The following MAPKAP1 variants were observed in gnomAD, a reference collection of about 807,000 sequenced individuals.
MAPKAP1 encodes MAPK associated protein 1, also known as target of rapamycin complex 2 subunit MAPKAP1.
MAPKAP1 carries 20 observed loss-of-function variants against 65.7 expected under a neutral mutation model. That is an observed-to-expected ratio of 0.30 (90% CI 0.21 to 0.44). The LOEUF (loss-of-function observed/expected upper bound fraction) is 0.44. Ranked by LOEUF, MAPKAP1 falls within the 20% of genes least tolerant of loss-of-function variation. MAPKAP1 has a pLI of 1.00. For missense variants in MAPKAP1, 423 were observed against 648.0 expected, an observed-to-expected ratio of 0.65 and a Z score of 3.77; for synonymous variants, 222 against 244.3, an observed-to-expected ratio of 0.91 and a Z score of 0.85.
chr9:125,521,149 G>A (rs1003682638), intron 7 of MAPKAP1, among the ~76,000 whole-genome samples: 4 of 152,176 alleles, frequency 2.6e-5, no homozygotes, highest in African/African-American at 7.2e-5. Flanking sequence ...TCATATATGC[G>A]GTTGTAGGCA....
chr9:125,693,796 CACAT>C (rs1050718867), intron 1 of MAPKAP1, among the ~76,000 whole-genome samples: 2 of 144,228 alleles, frequency 1.4e-5, no homozygotes, highest in Admixed American at 7.0e-5. Context: ...TATATATACA[CACAT>C]ATATATACAC....
intron 7 of MAPKAP1, among the ~76,000 whole-genome samples, chr9:125,542,576 TTGTC>T (rs1564549468): frequency 6.6e-6 from 1 of 152,190 alleles, no homozygotes; most frequent in Non-Finnish European, 1.5e-5. Flanking sequence ...ATCAAGTGAT[TTGTC>T]TTTTTATTCG....
rs376993327 is a variant in MAPKAP1 at position 125,657,739 on chromosome 9, C to G, written c.410G>C (p.Gly137Ala). 45 of 1,613,790 alleles carry G rather than the reference C, an allele frequency of 2.8e-5. No homozygotes were observed. Among genetic ancestry groups the G allele is most frequent in the Non-Finnish European group, 3.6e-5 (42 of 1,179,882 alleles). ...GCGTACAGATAATATCGACTGCTTC[C>G]CAGAAATTGGAGGCTTCTCTTTGAG... Reference protein sequence around the residue: ...KSLKEKPPISGKQSILSVRLE... With the variant: ...KSLKEKPPISAKQSILSVRLE... Residue 137 changes from glycine to alanine, a missense_variant, in exon 4 of 12, where the codon GGG becomes GCG. Transcript: ENST00000265960.
intron 1 of MAPKAP1, among the ~76,000 whole-genome samples, chr9:125,680,705 A>G (rs1398772869): frequency 6.6e-6 from 1 of 152,246 alleles, no homozygotes; most frequent in African/African-American, 2.4e-5. Context: ...AAATCATCTC[A>G]GCACTAAATG....
intron 4 of MAPKAP1, among the ~76,000 whole-genome samples, chr9:125,603,352 G>A (rs1464507628): frequency 1.3e-5 from 2 of 152,078 alleles, no homozygotes; most frequent in Non-Finnish European, 1.5e-5. Flanking sequence ...GTACCCAATT[G>A]TGCTCTAATA....
chr9:125,691,303 G>A (rs372060502), intron 1 of MAPKAP1, among the ~76,000 whole-genome samples: 1 of 152,040 alleles, frequency 6.6e-6, no homozygotes, highest in African/African-American at 2.4e-5. Context: ...GGTAGAACTC[G>A]GTGACTGAGT....
intron 11 of MAPKAP1, among the ~76,000 whole-genome samples, chr9:125,443,725 C>T (rs1180876830): frequency 6.7e-6 from 1 of 149,968 alleles, no homozygotes; most frequent in Non-Finnish European, 1.5e-5. Context: ...CCCCCCATCC[C>T]CCTGTGCCTG....
At chr9:125,662,452 G>C (rs913146582) in intron 3 of MAPKAP1, among the ~76,000 whole-genome samples, 4 of 152,204 alleles carry the variant, frequency 2.6e-5, no homozygotes, top group African/African-American at 9.7e-5. Flanking sequence ...GGGAGGCCGA[G>C]GTGGGTGGAT....
intron 7 of MAPKAP1, chr9:125,521,410 G>T: frequency 1.0e-6 from 1 of 999,194 alleles, no homozygotes; most frequent in Non-Finnish European, 1.2e-6. Flanking sequence ...TTGAGTCACT[G>T]TGACAATACC....
intron 4 of MAPKAP1, among the ~76,000 whole-genome samples, chr9:125,638,793 G>C (rs1259817252): frequency 1.3e-5 from 2 of 152,148 alleles, no homozygotes; most frequent in African/African-American, 4.8e-5. Context: ...CTCTCAAATG[G>C]CTACAGCTGC....
chr9:125,663,023 T>C (rs1316429742), intron 3 of MAPKAP1, among the ~76,000 whole-genome samples: 1 of 152,186 alleles, frequency 6.6e-6, no homozygotes, highest in Non-Finnish European at 1.5e-5. Context: ...CATTAAACCA[T>C]TCTCTCTACT....
At chr9:125,690,988 G>A (rs544089766) in intron 1 of MAPKAP1, among the ~76,000 whole-genome samples, 14 of 152,326 alleles carry the variant, frequency 9.2e-5, no homozygotes, top group Admixed American at 5.2e-4. Context: ...GAGGCCGGGC[G>A]CAGTGGCTCA....
At chr9:125,624,097 C>T (rs1377139937) in intron 4 of MAPKAP1, among the ~76,000 whole-genome samples, 3 of 20,276 alleles carry the variant, frequency 1.5e-4, no homozygotes, top group Non-Finnish European at 1.7e-4. Context: ...TCTGCCCGGC[C>T]GCCCCTACTG....
chr9:125,697,370 C>T (rs1259581893), intron 1 of MAPKAP1, among the ~76,000 whole-genome samples: 1 of 152,162 alleles, frequency 6.6e-6, no homozygotes, highest in African/African-American at 2.4e-5. Context: ...TATCAAAGAA[C>T]ATTTCTAAAA....
chr9:125,457,606 T>C (rs543506225), intron 10 of MAPKAP1, among the ~76,000 whole-genome samples: 4 of 152,236 alleles, frequency 2.6e-5, no homozygotes, highest in South Asian at 2.1e-4. Context: ...CTTTACAGAG[T>C]ATTGGGCTTT....
chr9:125,625,239 A>AAAAAT (rs1554833050), intron 4 of MAPKAP1, among the ~76,000 whole-genome samples: 23 of 57,784 alleles, frequency 4.0e-4, no homozygotes, highest in Non-Finnish European at 7.0e-4. Context: ...TTATCAATAA[A>AAAAAT]AAAAAAATAA....
At chr9:125,665,130 T>C (rs2131779092) in intron 3 of MAPKAP1, among the ~76,000 whole-genome samples, 1 of 152,100 alleles carries the variant, frequency 6.6e-6, no homozygotes, top group East Asian at 1.9e-4. Context: ...GACAAAACCC[T>C]GCCTCTACTA....
At chr9:125,488,293 C>A (rs1219012741) in intron 8 of MAPKAP1, among the ~76,000 whole-genome samples, 2 of 152,206 alleles carry the variant, frequency 1.3e-5, no homozygotes, top group Non-Finnish European at 2.9e-5. Flanking sequence ...CCAATTCACG[C>A]TGCTCACTCC....
chr9:125,706,069 G>A (rs1185344426), intron 1 of MAPKAP1, among the ~76,000 whole-genome samples: 1 of 152,140 alleles, frequency 6.6e-6, no homozygotes, highest in Non-Finnish European at 1.5e-5. Flanking sequence ...TCCCGCAGGT[G>A]TGTAAACTGA....
Sources: gnomAD v4.1 joint callset for allele counts (sites outside exome capture counted in the v4.1 genomes callset) on GRCh38, gnomAD v4.1.1 for gene constraint, MANE v1.5 for transcripts, NCBI Gene and HGNC (gene_info 2026-07-23, HGNC 2026-07-21) for gene names.